TEKT5: variants seen among roughly 807,000 people sequenced by gnomAD.
TEKT5 encodes tektin-5.
In TEKT5, 52 loss-of-function variants were observed where a neutral mutation model predicts 48.7. The observed-to-expected ratio is 1.07, with a 90% CI of 0.86 to 1.35. TEKT5 has a LOEUF of 1.35. Ranked by LOEUF, TEKT5 falls within the 40% of genes most tolerant of loss-of-function variation. The pLI, the probability that TEKT5 is intolerant of heterozygous loss-of-function variation, is 0.00. For synonymous variants in TEKT5, 318 were observed against 267.6 expected (o/e 1.19, Z -1.84); for missense variants, 831 against 641.6 (o/e 1.30, Z -3.19).
chr16:10,676,036 C>G lies in TEKT5; in HGVS notation c.1009G>C (p.Asp337His), dbSNP rs1029782878. 5.0e-6 allele frequency: 8 copies of G among 1,614,118 alleles called. No individual in the cohort carries two copies. In the African/African-American group the frequency reaches 1.1e-4, roughly 22 times the overall value. ...CGGGCGTTGAAGGCCAGGTTGGTGT[C>G]TGTGAACTGCCTCCACATCTGATCC... is the stretch of plus-strand genomic sequence containing the variant. ...LSDQMWRQFT[D>H]TNLAFNARIS... Residue 337 changes from aspartate (D) to histidine (H), a missense_variant, in exon 5 of 7, where the codon GAC becomes CAC. Physicochemically the swap from Asp to His is moderately conservative, Grantham distance 81 (BLOSUM62 -1). Transcript: ENST00000283025.
At chr16:10,632,471 T>C (rs931858256) in intron 6 of TEKT5, among the ~76,000 whole-genome samples, 2 of 152,058 alleles carry the variant, frequency 1.3e-5, no homozygotes, top group Non-Finnish European at 2.9e-5. Flanking sequence ...AATTTTTGTA[T>C]TTTTTGTAGA....
At chr16:10,633,551 C>T (rs569027879) in intron 6 of TEKT5, among the ~76,000 whole-genome samples, 38 of 152,164 alleles carry the variant, frequency 2.5e-4, no homozygotes, top group African/African-American at 8.2e-4. Flanking sequence ...CCTAGCAAGC[C>T]AGCAGCAGGT....
chr16:10,647,150 T>C (rs964446654), intron 5 of TEKT5, among the ~76,000 whole-genome samples: 10 of 151,922 alleles, frequency 6.6e-5, no homozygotes, highest in Admixed American at 5.3e-4. Context: ...GGACGGGACA[T>C]TACTGAGGGT....
intron 5 of TEKT5, among the ~76,000 whole-genome samples, chr16:10,639,281 T>C (rs564310259): frequency 0.022 from 3,375 of 152,004 alleles, 129 homozygotes; most frequent in African/African-American, 0.078. Context: ...CACTCCAGCC[T>C]GGAGTCCAAA....
At chr16:10,694,013 G>A (rs1049398438) in intron 1 of TEKT5, among the ~76,000 whole-genome samples, 9 of 152,092 alleles carry the variant, frequency 5.9e-5, no homozygotes, top group African/African-American at 1.4e-4. Flanking sequence ...TGTGCTTTAA[G>A]GACCAGAACA....
At chr16:10,639,251 G>A (rs1210233869) in intron 5 of TEKT5, among the ~76,000 whole-genome samples, 2 of 152,036 alleles carry the variant, frequency 1.3e-5, no homozygotes, top group Non-Finnish European at 2.9e-5. Context: ...AGGTTGCAGT[G>A]AGCTATGATC....
At chr16:10,633,791 C>G (rs1348531140) in intron 6 of TEKT5, among the ~76,000 whole-genome samples, 1 of 152,170 alleles carries the variant, frequency 6.6e-6, no homozygotes, top group African/African-American at 2.4e-5. Context: ...AGTGATCCTC[C>G]TGCCTCGGCC....
At chr16:10,682,434 CT>C (rs1473874246) in intron 3 of TEKT5, among the ~76,000 whole-genome samples, 1 of 152,184 alleles carries the variant, frequency 6.6e-6, no homozygotes, top group African/African-American at 2.4e-5. Context: ...CTCAAGCACT[CT>C]TCCCACCTCA....
rs749480270 is a variant in TEKT5, at chr16:10,694,864, G to A, written c.10C>T (p.Leu4Phe). The A allele has an allele frequency of 1.9e-6, 3 of 1,554,900 alleles. No homozygotes were observed. Among genetic ancestry groups the A allele is most frequent in the African/African-American group, 2.7e-5 (2 of 73,118 alleles). Residue 4 changes from leucine to phenylalanine, a missense_variant, in exon 1 of 7, where the codon CTT becomes TTT. Transcript: ENST00000283025. ...TAACTGGCGGTCTGAGTAGTCCCAA[G>A]AAACTCCATCCTCCCTCATGAGCCC... Reference protein sequence around the residue: MEFLGTTQTASYCG... With the variant: MEFFGTTQTASYCG...
chr16:10,645,911 C>G (rs1452660296), intron 5 of TEKT5, among the ~76,000 whole-genome samples: 1 of 151,342 alleles, frequency 6.6e-6, no homozygotes, highest in African/African-American at 2.4e-5. Flanking sequence ...GTGGGAGGAT[C>G]GCTTGAGCCA....
intron 5 of TEKT5, among the ~76,000 whole-genome samples, chr16:10,673,930 C>A (rs1898594663): frequency 6.6e-6 from 1 of 152,006 alleles, no homozygotes; most frequent in African/African-American, 2.4e-5. Context: ...GGGATTACAG[C>A]CGTGAACCAC....
chr16:10,690,530 G>A (rs1898952109), intron 1 of TEKT5: 2 of 975,552 alleles, frequency 2.1e-6, no homozygotes, highest in Non-Finnish European at 2.4e-6. Flanking sequence ...TATCTCACAG[G>A]TTCATTGTGC....
chr16:10,647,104 C>G (rs1193949461), intron 5 of TEKT5, among the ~76,000 whole-genome samples: 1 of 152,112 alleles, frequency 6.6e-6, no homozygotes, highest in African/African-American at 2.4e-5. Context: ...CCCCTACCAT[C>G]TAGGCGTCCC....
chr16:10,655,672 G>A lies in TEKT5; in HGVS notation c.1087-19754C>T, dbSNP rs1238859955. 2.0e-5 allele frequency among the ~76,000 whole-genome samples: 3 copies of A among 152,272 alleles called. No homozygotes were observed. The East Asian group carries it at 5.8e-4, about 29-fold the overall frequency. The stretch of plus-strand genomic sequence containing the variant: ...TCAAAATGTTGTTTGGGACTCTTGG[G>A]AAGTCTCTTTTAAAAGGGGGTGGTT... On this transcript the variant is annotated intron_variant, in intron 5 of 6. Coordinates refer to ENST00000283025, the MANE Select transcript of TEKT5 (RefSeq NM_144674.2).
At chr16:10,687,357 A>G (rs1279194972) in intron 3 of TEKT5, among the ~76,000 whole-genome samples, 1 of 152,256 alleles carries the variant, frequency 6.6e-6, no homozygotes, top group Admixed American at 6.5e-5. Context: ...TTAAAAATGA[A>G]TAAGTAATTA....
At chr16:10,667,791 A>G (rs1022889838) in intron 5 of TEKT5, among the ~76,000 whole-genome samples, 2 of 152,242 alleles carry the variant, frequency 1.3e-5, no homozygotes, top group Non-Finnish European at 2.9e-5. Context: ...TGAAATCTTT[A>G]AATTATTTCC....
intron 5 of TEKT5, among the ~76,000 whole-genome samples, chr16:10,639,729 T>C (rs924243491): frequency 1.3e-5 from 2 of 152,226 alleles, no homozygotes; most frequent in Middle Eastern, 3.2e-3. Context: ...ATCACATCTC[T>C]GGCATAAGCA....
At chr16:10,683,612 TGGA>T (rs1397309314) in intron 3 of TEKT5, among the ~76,000 whole-genome samples, 1 of 152,228 alleles carries the variant, frequency 6.6e-6, no homozygotes, top group African/African-American at 2.4e-5. Flanking sequence ...TTTTTTGAGA[TGGA>T]GTTTTCCTTT....
intron 5 of TEKT5, among the ~76,000 whole-genome samples, chr16:10,671,512 T>C (rs932663940): frequency 1.3e-5 from 2 of 152,224 alleles, no homozygotes; most frequent in Non-Finnish European, 2.9e-5. Flanking sequence ...GAAGACATTA[T>C]GCCAAGTGAA....
Sources: gnomAD v4.1 joint callset for allele counts (sites outside exome capture counted in the v4.1 genomes callset) on GRCh38, gnomAD v4.1.1 for gene constraint, MANE v1.5 for transcripts, NCBI Gene and HGNC (gene_info 2026-07-23, HGNC 2026-07-21) for gene names.